Variants in HEATR9 observed in about 807,000 individuals in gnomAD.
HEATR9 encodes protein HEATR9.
A neutral mutation model predicts 68.2 loss-of-function variants in HEATR9; 54 were observed. The observed-to-expected ratio is 0.79, with a 90% confidence interval of 0.64 to 0.99. The LOEUF is 0.99. Among genes scored for constraint, HEATR9 ranks in the 50% least tolerant of loss-of-function variants. The pLI, the probability that HEATR9 is intolerant of heterozygous loss-of-function variation, is 0.00. For missense variants in HEATR9, 662 were observed against 679.7 expected, an observed-to-expected ratio of 0.97 and a Z score of 0.29; for synonymous variants, 241 against 253.5, an observed-to-expected ratio of 0.95 and a Z score of 0.47.
intron 13 of HEATR9, 48 bp from the exon 14 acceptor site, chr17:35,855,798 C>T: frequency 6.9e-7 from 1 of 1,458,046 alleles, no homozygotes; most frequent in Non-Finnish European, 9.6e-7. Context: ...CCCAGGAAGA[C>T]ACCTTATACT....
At chr17:35,863,972 G>C (rs2088097962) in intron 6 of HEATR9, 2 of 557,900 alleles carry the variant, frequency 3.6e-6, no homozygotes, top group African/African-American at 3.7e-5. Flanking sequence ...AATGTACTCT[G>C]TTCTGGCTTT....
rs769597159 is a variant in HEATR9 at position 35,865,283 on chromosome 17, G to A, written c.252C>T (p.His84=). Residue 84 remains histidine, a synonymous_variant, in exon 3 of 15, where the codon CAC becomes CAT. Transcript: ENST00000604834. Reference sequence around the variant, plus strand: ...TTTCCTCTCGCTGATCATACAGGTCGTGCCAGTGCGTGTAGATCTCAGGTT... The same window carrying A: ...TTTCCTCTCGCTGATCATACAGGTCATGCCAGTGCGTGTAGATCTCAGGTT... The part of the protein sequence containing the change: ...FKKPEIYTHW[H]DLYDQREERE... The A allele has an allele frequency of 6.8e-6, 11 of 1,613,828 alleles. No homozygotes were observed. Among genetic ancestry groups the A allele is most frequent in the African/African-American group, 4.0e-5 (3 of 74,852 alleles).
At chr17:35,863,920 A>G (rs1193384974) in intron 6 of HEATR9, 1 of 535,866 alleles carries the variant, frequency 1.9e-6, no homozygotes, top group South Asian at 2.6e-5. Context: ...TCCCAGTGGT[A>G]AGCTGATGTA....
At chr17:35,858,134 T>TC (rs1469622241) in intron 11 of HEATR9, 66 bp downstream of exon 11, 1 of 1,600,438 alleles carries the variant, frequency 6.2e-7, no homozygotes, top group African/African-American at 1.3e-5. Flanking sequence ...CCAGGGGAGG[T>TC]CTCCAGAACA....
chr17:35,858,131 A>T (rs1347314259), intron 11 of HEATR9, 69 bp downstream of exon 11: 3 of 1,593,026 alleles, frequency 1.9e-6, no homozygotes, highest in Non-Finnish European at 2.6e-6. Context: ...AGGCCAGGGG[A>T]GGTCTCCAGA....
At position 35,865,402 on chromosome 17, in the gene HEATR9, G is replaced by C; in HGVS notation, c.139-6C>G. 1 of 1,611,580 alleles carries C rather than the reference G, an allele frequency of 6.2e-7. No individual in the cohort carries two copies. The highest frequency in any genetic ancestry group is 8.5e-7 in the Non-Finnish European group (1 of 1,179,368). ...GGAAACTCTTCCTTTGGCATCTGGG[G>C]GTTGCAAGTGGCAGAACAGTCAGAG... On this transcript the variant is annotated splice_polypyrimidine_tract_variant and splice_region_variant and intron_variant, in intron 2 of 14. Coordinates refer to ENST00000604834, the MANE Select transcript of HEATR9 (RefSeq NM_152781.4).
rs2088155788 is a variant in HEATR9, at chr17:35,865,248, T to C, written c.287A>G (p.Glu96Gly). The C allele has an allele frequency of 6.2e-7, 1 of 1,614,138 alleles. No homozygotes were observed. The highest frequency in any genetic ancestry group is 8.5e-7 in the Non-Finnish European group (1 of 1,180,002). Residue 96 changes from glutamate (E) to glycine (G), a missense_variant, in exon 3 of 15, where the codon GAG becomes GGG. Transcript: ENST00000604834. ...ATCTCTCATTTTCCTCAACATCTTC[T>C]CAGCCTCCCTTTCCTCTCGCTGATC... ...LYDQREEREA[E>G]KMLRKMRDDC...
intron 11 of HEATR9, among the ~76,000 whole-genome samples, chr17:35,857,252 C>T (rs1318727050): frequency 1.3e-5 from 2 of 152,102 alleles, no homozygotes; most frequent in Admixed American, 1.3e-4. Context: ...TCTAATTACC[C>T]TGGGACAACA....
intron 11 of HEATR9, among the ~76,000 whole-genome samples, chr17:35,857,517 T>G (rs757285854): frequency 6.6e-6 from 1 of 152,138 alleles, no homozygotes; most frequent in Non-Finnish European, 1.5e-5. Context: ...CCCAGCACTT[T>G]GGGAGGCCGA....
intron 1 of HEATR9, among the ~76,000 whole-genome samples, chr17:35,867,143 C>G (rs1276270578): frequency 6.6e-6 from 1 of 151,892 alleles, no homozygotes; most frequent in Non-Finnish European, 1.5e-5. Flanking sequence ...GCCTGTAGTC[C>G]CAGCTACTCA....
chr17:35,865,945 C>A (rs1209223305), intron 2 of HEATR9, among the ~76,000 whole-genome samples: 1 of 152,202 alleles, frequency 6.6e-6, no homozygotes, highest in Non-Finnish European at 1.5e-5. Flanking sequence ...GGGAAACAGA[C>A]TTTCTTAAAA....
chr17:35,859,768 T>C (rs554770847), intron 8 of HEATR9, among the ~76,000 whole-genome samples: 19 of 152,380 alleles, frequency 1.2e-4, no homozygotes, highest in Non-Finnish European at 2.4e-4. Context: ...AGACCTCATA[T>C]AGACCCTTAA....
rs748429388 is a variant in HEATR9, at chr17:35,864,523, C to G, written c.484G>C (p.Glu162Gln). 6.2e-7 allele frequency: 1 copy of G among 1,614,042 alleles called. No individual in the cohort carries two copies. Reference sequence around the variant, plus strand: ...TGTGCTGCATAGAACTGCTCATCCTCTCTGGGAGATTCCAGGCTTTTTGTG... The same window carrying G: ...TGTGCTGCATAGAACTGCTCATCCTGTCTGGGAGATTCCAGGCTTTTTGTG... ...ELTKSLESPR[E>Q]DEQFYAAQAL... Residue 162 changes from glutamate (E) to glutamine (Q), a missense_variant, in exon 5 of 15, where the codon GAG (glutamate) becomes CAG (glutamine). Glu to Gln is a conservative substitution (Grantham distance 29, BLOSUM62 2). Transcript: ENST00000604834.
rs146786044 is a variant in HEATR9 at position 35,856,705 on chromosome 17, G to C, written c.1226+27C>G. The C allele has an allele frequency of 5.8e-4, 921 of 1,575,866 alleles. 4 individuals carry two copies. In the African/African-American group the frequency reaches 0.011, roughly 19 times the overall value. Reference sequence around the variant, plus strand: ...GCCCCCTTCCCACAGCCTAGGATTTGGCCCTGGCAGCTCCCAGGCCACTCA... The same window carrying C: ...GCCCCCTTCCCACAGCCTAGGATTTCGCCCTGGCAGCTCCCAGGCCACTCA... On this transcript the variant is annotated intron_variant, in intron 12 of 14. Coordinates refer to ENST00000604834, the MANE Select transcript of HEATR9 (RefSeq NM_152781.4).
At chr17:35,861,039 C>T (rs890785576) in intron 8 of HEATR9, 22 of 741,190 alleles carry the variant, frequency 3.0e-5, no homozygotes, top group African/African-American at 2.4e-4. Flanking sequence ...GAGCGAGATT[C>T]GGTCTCAAAA....
chr17:35,866,698 A>G (rs1225737513), intron 2 of HEATR9, 26 bp downstream of exon 2: 2 of 1,608,534 alleles, frequency 1.2e-6, no homozygotes, highest in South Asian at 2.2e-5. Flanking sequence ...TACAGCTCCC[A>G]GGGTAGCAAA....
rs185678965 is a variant in HEATR9, at chr17:35,862,738, A to T, written c.756+257T>A. Among the ~76,000 whole-genome samples the T allele has an allele frequency of 1.7e-3, 265 of 152,298 alleles. 1 individual carries two copies. Among genetic ancestry groups the T allele is most frequent in the Non-Finnish European group, 1.6e-3 (106 of 68,026 alleles). On this transcript the variant is annotated intron_variant, in intron 8 of 14. Coordinates refer to ENST00000604834, the MANE Select transcript of HEATR9 (RefSeq NM_152781.4). ...GAAAAATCGTAAGTCAAACCATCTA[A>T]ATCAGGAACCATCTGTACTGTCTCC...
chr17:35,861,459 A>T, intron 8 of HEATR9: 1 of 1,568,478 alleles, frequency 6.4e-7, no homozygotes, highest in Non-Finnish European at 8.7e-7. Context: ...AGTTTCTATG[A>T]CACTTAGATT....
At chr17:35,856,669 A>G (rs2087783827) in intron 12 of HEATR9, 63 bp downstream of exon 12, 2 of 1,430,050 alleles carry the variant, frequency 1.4e-6, no homozygotes, top group Non-Finnish European at 9.6e-7. Flanking sequence ...TGACCCTCTC[A>G]CTGACCCTCT....
Sources: allele counts gnomAD v4.1 joint callset (sites outside exome capture counted in the v4.1 genomes callset), GRCh38; gene constraint gnomAD v4.1.1; transcripts MANE v1.5; gene names NCBI Gene and HGNC (gene_info 2026-07-23, HGNC 2026-07-21).